Variants in ARID1A observed in about 807,000 individuals in gnomAD.
ARID1A encodes the protein AT-rich interactive domain-containing protein 1A.
Under a neutral mutation model 212.6 loss-of-function variants are expected in ARID1A, and 20 were observed. The observed-to-expected ratio is 0.09, with a 90% CI of 0.07 to 0.14. The LOEUF is 0.14. Among genes scored for constraint, ARID1A ranks in the 10% least tolerant of loss-of-function variants. The pLI, the probability that ARID1A is intolerant of heterozygous loss-of-function variation, is 1.00. For missense variants in ARID1A, 2,587 were observed against 3,059.0 expected, an observed-to-expected ratio of 0.85 and a Z score of 3.64; for synonymous variants, 1,376 against 1,222.1, an observed-to-expected ratio of 1.13 and a Z score of -2.63.
chr1:26,751,898 G>A (rs1047878416), intron 4 of ARID1A, among the ~76,000 whole-genome samples: 1 of 152,156 alleles, frequency 6.6e-6, no homozygotes, highest in Non-Finnish European at 1.5e-5. Flanking sequence ...AAGGTATCAG[G>A]AAGAATGAAT....
intron 4 of ARID1A, among the ~76,000 whole-genome samples, chr1:26,736,376 T>G (rs1468752673): frequency 6.9e-6 from 1 of 145,566 alleles, no homozygotes; most frequent in Non-Finnish European, 1.5e-5. Context: ...ACACCTGTAA[T>G]CCCAGCACTT....
intron 1 of ARID1A, among the ~76,000 whole-genome samples, chr1:26,713,380 G>A (rs532692891): frequency 5.5e-4 from 80 of 145,536 alleles, no homozygotes; most frequent in African/African-American, 2.0e-3. Context: ...TTTTTTTTTG[G>A]CAGAGTCTTG....
In ARID1A at chr1:26,774,204, GTGATTCCCATGTTTTCTTGGAGTC is replaced by G; in HGVS notation, c.4102-122_4102-99del. On this transcript the variant is annotated intron_variant, in intron 17 of 19. Coordinates refer to ENST00000324856, the MANE Select transcript of ARID1A (RefSeq NM_006015.6). The surrounding 1 kb of genome is among the most constrained non-coding windows in gnomAD (Gnocchi z 5.6). ...CAACTTCAAAAGACAATTTGTTAAG[GTGATTCCCATGTTTTCTTGGAGTC>G]TGTGTCCACCAAGCATCTGGTTGTA... 6.9e-7 allele frequency: 1 copy of G among 1,457,586 alleles called. No individual in the cohort carries two copies. The highest frequency in any genetic ancestry group is 1.4e-5 in the African/African-American group (1 of 70,754). 90.3% of individuals were successfully genotyped at this position (1,457,586 alleles called of 1,614,324 possible).
intron 1 of ARID1A, among the ~76,000 whole-genome samples, chr1:26,706,938 G>A (rs182883304): frequency 1.3e-5 from 2 of 152,234 alleles, no homozygotes; most frequent in Non-Finnish European, 2.9e-5. Context: ...TAGGAATTTA[G>A]GCTTCTAAAG....
At chr1:26,757,442 C>G (rs2080950827) in intron 4 of ARID1A, among the ~76,000 whole-genome samples, 2 of 150,332 alleles carry the variant, frequency 1.3e-5, no homozygotes, top group African/African-American at 2.5e-5. Context: ...TGCACTCCAG[C>G]CTGGGCAACA....
intron 4 of ARID1A, among the ~76,000 whole-genome samples, chr1:26,756,565 A>T (rs1174074757): frequency 3.1e-5 from 3 of 96,584 alleles, no homozygotes; most frequent in African/African-American, 6.2e-5. Flanking sequence ...CTGTCTCTTT[A>T]AAAAAAAAAA....
rs1479869556 is a variant in ARID1A at position 26,766,581 on chromosome 1, C to T, written c.2988+15C>T. On this transcript the variant is annotated intron_variant, in intron 10 of 19. Coordinates refer to ENST00000324856, the MANE Select transcript of ARID1A (RefSeq NM_006015.6). Reference sequence around the variant, plus strand: ...CCAAATCCAAGGTAGTGATTTTTGTCTTGACTCCTTTCAACTTTGTGTCCT... The same window carrying T: ...CCAAATCCAAGGTAGTGATTTTTGTTTTGACTCCTTTCAACTTTGTGTCCT... The T allele has an allele frequency of 1.8e-5, 28 of 1,592,840 alleles. No individual in the cohort carries two copies. The highest frequency in any genetic ancestry group is 2.4e-5 in the Non-Finnish European group (28 of 1,168,574).
rs2080991268 is a variant in ARID1A at position 26,761,435 on chromosome 1, A to G, written c.2213A>G (p.His738Arg). 3.1e-6 allele frequency: 5 copies of G among 1,614,214 alleles called. No homozygotes were observed. Among genetic ancestry groups the G allele is most frequent in the South Asian group, 1.1e-5 (1 of 91,090 alleles). ...PPSGQSDSIM[H>R]PSMNQSSIAQ... is the part of the protein sequence containing the mutation. ...AGTGGCCAGTCGGACAGCATCATGCATCCTTCCATGAACCAATCAAGCATT... is the reference window on the plus strand; with the variant it reads ...AGTGGCCAGTCGGACAGCATCATGCGTCCTTCCATGAACCAATCAAGCATT... The change falls in exon 6 of 20, where the codon CAT becomes CGT. Residue 738 changes from histidine (H) to arginine (R), a missense_variant. Around this residue, in one of 11 missense-constraint regions of ARID1A, gnomAD observed 674 missense variants for 813.4 expected, o/e 0.83. Coordinates refer to ENST00000324856, the MANE Select transcript of ARID1A (RefSeq NM_006015.6).
At chr1:26,701,808 A>G (rs12744003) in intron 1 of ARID1A, among the ~76,000 whole-genome samples, 9,084 of 152,296 alleles carry the variant, frequency 0.06, 329 homozygotes, top group Non-Finnish European at 0.08. Flanking sequence ...TGTGGTCTGT[A>G]GACTTTTACA....
chr1:26,758,529 G>C (rs1419750338), intron 4 of ARID1A, among the ~76,000 whole-genome samples: 2 of 152,022 alleles, frequency 1.3e-5, no homozygotes, highest in African/African-American at 4.8e-5. Flanking sequence ...TGAGGTAAGA[G>C]GATCACTTGA....
Position 26,724,138 on chromosome 1 carries a change from A to G in ARID1A, c.1138-5513A>G, listed in dbSNP as rs537409033. ...CAAATCTAGCCAGGAATAAATTGAA[A>G]GCACAAGGAGTAATAATACTTAAAT... On this transcript the variant is annotated intron_variant, in intron 1 of 19. Coordinates refer to ENST00000324856, the MANE Select transcript of ARID1A (RefSeq NM_006015.6). 5.3e-5 allele frequency among the ~76,000 whole-genome samples: 8 copies of G among 152,302 alleles called. No individual in the cohort carries two copies. The East Asian group carries it at 1.5e-3, about 29-fold the overall frequency.
chr1:26,747,016 T>TC (rs2080841743), intron 4 of ARID1A, among the ~76,000 whole-genome samples: 1 of 152,074 alleles, frequency 6.6e-6, no homozygotes, highest in East Asian at 1.9e-4. Flanking sequence ...CACTCCAGCC[T>TC]GGTGACAGAG....
chr1:26,710,119 A>G (rs962239712), intron 1 of ARID1A, among the ~76,000 whole-genome samples: 72 of 142,676 alleles, frequency 5.0e-4, no homozygotes, highest in Middle Eastern at 3.5e-3. Context: ...GATGTGAGCC[A>G]CCGCACCCGG....
chr1:26,735,126 T>C (rs2080716884), intron 4 of ARID1A, among the ~76,000 whole-genome samples: 1 of 151,724 alleles, frequency 6.6e-6, no homozygotes, highest in African/African-American at 2.4e-5. Context: ...ATTTTTTTTT[T>C]TTTTTTTTTG....
At chr1:26,762,907 G>A (rs1324022162) in intron 7 of ARID1A, 66 bp from the exon 8 acceptor site, 1 of 1,392,286 alleles carries the variant, frequency 7.2e-7, no homozygotes, top group African/African-American at 1.4e-5. Context: ...TGGTGTTCTA[G>A]AGTTGAGAGA....
chr1:26,738,206 T>C (rs570655684), intron 4 of ARID1A, among the ~76,000 whole-genome samples: 1 of 152,098 alleles, frequency 6.6e-6, no homozygotes, highest in Non-Finnish European at 1.5e-5. Context: ...GTATTTTTAA[T>C]AGAGACGAGG....
chr1:26,755,380 A>AT (rs2080919870), intron 4 of ARID1A, among the ~76,000 whole-genome samples: 1 of 152,216 alleles, frequency 6.6e-6, no homozygotes, highest in African/African-American at 2.4e-5. Flanking sequence ...AGATAAGAAG[A>AT]TTAATGCTCT....
chr1:26,761,664 AGTAAC>A (rs1180676421), intron 6 of ARID1A, among the ~76,000 whole-genome samples, 191 bp downstream of exon 6: 2 of 152,238 alleles, frequency 1.3e-5, no homozygotes, highest in Non-Finnish European at 2.9e-5. Flanking sequence ...TTTCAATAGA[AGTAAC>A]GTATAGTGAT....
Position 26,781,028 on chromosome 1 carries a change from T to C in ARID1A, c.*272T>C, listed in dbSNP as rs889275126. ...TTGAAAAGACAAAGCTCTGCCTACA[T>C]AGAAGACTTTTTTTATTTTAACCAA... On this transcript the variant is annotated 3_prime_UTR_variant, in exon 20 of 20. Transcript: ENST00000324856. 2.5e-5 allele frequency: 9 copies of C among 364,680 alleles called. No homozygotes were observed. The highest frequency in any genetic ancestry group is 4.4e-5 in the Non-Finnish European group (9 of 203,940). The allele number at this position is 364,680 out of a possible 1,614,324, so 22.6% of individuals were successfully genotyped here.
Sources: gnomAD v4.1 joint callset for allele counts (sites outside exome capture counted in the v4.1 genomes callset) on GRCh38, gnomAD v4.1.1 for gene constraint, gnomAD v4.1.1 regional missense constraint, Gnocchi (gnomAD v3.1) non-coding constraint, MANE v1.5 for transcripts, NCBI Gene and HGNC (gene_info 2026-07-23, HGNC 2026-07-21) for gene names.